The following CEP63 variants were observed in gnomAD, a reference collection of about 807,000 sequenced individuals.
CEP63 encodes the protein centrosomal protein 63, also known as centrosomal protein of 63 kDa.
CEP63 carries 84 observed loss-of-function variants against 89.1 expected under a neutral mutation model. That is an observed-to-expected ratio of 0.94 (90% CI 0.79 to 1.13). The LOEUF (loss-of-function observed/expected upper bound fraction) is 1.13. Ranked by LOEUF, CEP63 falls within the 50% of genes most tolerant of loss-of-function variation. CEP63 has a pLI of 0.00. For missense variants in CEP63, 838 were observed against 813.3 expected (o/e 1.03, Z -0.37); for synonymous variants, 267 against 272.5 (o/e 0.98, Z 0.20).
At chr3:134,642,481 TTG>T in the CEP63 span, among the ~76,000 whole-genome samples, 2 of 152,126 alleles carry the variant, frequency 1.3e-5, 1 homozygote, top group Non-Finnish European at 2.9e-5. Flanking sequence ...CCTGTCACCA[TTG>T]CTGTGGGGCC....
At chr3:134,734,007 C>T in the CEP63 span, among the ~76,000 whole-genome samples, 1 of 152,260 alleles carries the variant, frequency 6.6e-6, no homozygotes, top group East Asian at 1.9e-4. Context: ...TTAACATTGT[C>T]CTTGAGGTAT....
the CEP63 span, among the ~76,000 whole-genome samples, chr3:134,705,866 G>A: frequency 1.3e-5 from 2 of 152,208 alleles, no homozygotes; most frequent in Admixed American, 1.3e-4. Flanking sequence ...GATTTTGATT[G>A]TGTTGAAGTC....
At chr3:134,749,633 A>G in the CEP63 span, among the ~76,000 whole-genome samples, 2 of 145,380 alleles carry the variant, frequency 1.4e-5, no homozygotes, top group Non-Finnish European at 3.0e-5. Flanking sequence ...GTACAGAGAG[A>G]CTCATAGACC....
chr3:134,502,960 A>G (rs138493226), intron 2 of CEP63, among the ~76,000 whole-genome samples: 2,832 of 152,088 alleles, frequency 0.019, 54 homozygotes, highest in Middle Eastern at 0.048. Flanking sequence ...GAATTTTTTC[A>G]TATCTGCCTT....
the CEP63 span, among the ~76,000 whole-genome samples, chr3:134,695,553 A>G: frequency 3.3e-5 from 5 of 152,166 alleles, no homozygotes; most frequent in African/African-American, 9.7e-5. Flanking sequence ...CTGGCAGGTG[A>G]CGGCTATGCC....
At chr3:134,583,023 G>C (rs1047880146) in intron 10 of CEP63, among the ~76,000 whole-genome samples, 5 of 152,126 alleles carry the variant, frequency 3.3e-5, no homozygotes, top group African/African-American at 1.2e-4. Context: ...TTTTGATGGG[G>C]TTGTTTGTTT....
chr3:134,739,092 AG>A, the CEP63 span, among the ~76,000 whole-genome samples: 1 of 152,158 alleles, frequency 6.6e-6, no homozygotes. Flanking sequence ...CTTTCTCAAT[AG>A]GTTAAATATA....
intron 12 of CEP63, among the ~76,000 whole-genome samples, chr3:134,554,533 G>A (rs372903112): frequency 2.9e-3 from 436 of 148,606 alleles, no homozygotes; most frequent in Non-Finnish European, 4.7e-3. Context: ...GAATAGTGCC[G>A]CAATAAACAT....
At chr3:134,685,257 G>T in the CEP63 span, among the ~76,000 whole-genome samples, 4 of 152,048 alleles carry the variant, frequency 2.6e-5, no homozygotes, top group African/African-American at 9.7e-5. Flanking sequence ...ATGAAGCAAT[G>T]ATGAAAATAA....
At chr3:134,759,713 A>C in the CEP63 span, among the ~76,000 whole-genome samples, 4,491 of 152,316 alleles carry the variant, frequency 0.029, 196 homozygotes, top group African/African-American at 0.095. Context: ...TAAAGAGGAA[A>C]TATGACCACA....
chr3:134,524,708 A>G (rs1948264315), intron 3 of CEP63, among the ~76,000 whole-genome samples: 1 of 152,106 alleles, frequency 6.6e-6, no homozygotes. Context: ...TGTCGAGCCA[A>G]CCTTGCATCC....
the CEP63 span, among the ~76,000 whole-genome samples, chr3:134,751,902 C>T: frequency 2.6e-5 from 4 of 152,200 alleles, no homozygotes; most frequent in Non-Finnish European, 5.9e-5. Flanking sequence ...CTCAGCACTT[C>T]TTATAGTCCA....
chr3:134,539,218 C>T (rs971654003), intron 6 of CEP63, among the ~76,000 whole-genome samples: 1 of 152,118 alleles, frequency 6.6e-6, no homozygotes, highest in Middle Eastern at 3.2e-3. Flanking sequence ...TTGTCATCAT[C>T]TTGTCAATCT....
the CEP63 span, among the ~76,000 whole-genome samples, chr3:134,646,489 T>C: frequency 2.0e-5 from 3 of 152,240 alleles, no homozygotes; most frequent in Non-Finnish European, 1.5e-5. Context: ...TCTTTTTCCC[T>C]GTTTCATTTC....
intron 1 of CEP63, among the ~76,000 whole-genome samples, chr3:134,492,145 C>G (rs1937814711): frequency 7.3e-6 from 1 of 137,254 alleles, no homozygotes; most frequent in Non-Finnish European, 1.5e-5. Flanking sequence ...GCGATCTTGA[C>G]TCACTGCAAG....
At chr3:134,661,943 C>G in the CEP63 span, among the ~76,000 whole-genome samples, 1 of 152,106 alleles carries the variant, frequency 6.6e-6, no homozygotes, top group African/African-American at 2.4e-5. Context: ...AAAAGCAGTT[C>G]GAAAAACCTT....
the CEP63 span, among the ~76,000 whole-genome samples, chr3:134,701,251 C>CGTATATATGTGT: frequency 3.1e-5 from 3 of 95,306 alleles, no homozygotes; most frequent in South Asian, 1.3e-3. Context: ...CACATATATA[C>CGTATATATGTGT]ATATACACAT....
intron 3 of CEP63, among the ~76,000 whole-genome samples, chr3:134,519,226 C>T (rs751528066): frequency 1.3e-5 from 2 of 151,976 alleles, no homozygotes; most frequent in Non-Finnish European, 2.9e-5. Flanking sequence ...TGGGTTCAAG[C>T]GATTCTCCTG....
intron 11 of CEP63, among the ~76,000 whole-genome samples, chr3:134,571,665 A>C (rs1286037327): frequency 6.6e-6 from 1 of 152,182 alleles, no homozygotes; most frequent in Non-Finnish European, 1.5e-5. Context: ...TGGGCAACAG[A>C]GCGAGACTCT....
Sources: allele counts gnomAD v4.1 joint callset (sites outside exome capture counted in the v4.1 genomes callset), GRCh38; gene constraint gnomAD v4.1.1; transcripts MANE v1.5; gene names NCBI Gene and HGNC (gene_info 2026-07-23, HGNC 2026-07-21).